IRAK2: variants seen among roughly 807,000 people sequenced by gnomAD.
The protein encoded by IRAK2 is interleukin 1 receptor associated kinase 2, also known as interleukin-1 receptor-associated kinase-like 2.
In IRAK2, 57 loss-of-function variants were observed where a neutral mutation model predicts 72.0. The ratio of observed to expected loss-of-function variants is 0.79; its 90% CI spans 0.64 to 0.99. The LOEUF is 0.99. IRAK2 is among the 50% of genes least tolerant of loss of function. The probability of loss-of-function intolerance (pLI) is 0.00; values close to 1 mark genes in which losing one functional copy is unlikely to be tolerated. For missense variants in IRAK2, 790 were observed against 794.4 expected (o/e 0.99, Z 0.07); for synonymous variants, 293 against 312.7 (o/e 0.94, Z 0.67).
intron 6 of IRAK2, among the ~76,000 whole-genome samples, chr3:10,215,751 T>TAC (rs145978380): frequency 0.33 from 49,150 of 150,014 alleles, 8,156 homozygotes; most frequent in Admixed American, 0.43. Flanking sequence ...CTCACATGTG[T>TAC]ACACACACAC....
chr3:10,213,910 C>CT (rs945956712), intron 6 of IRAK2, among the ~76,000 whole-genome samples: 45 of 146,628 alleles, frequency 3.1e-4, no homozygotes, highest in Middle Eastern at 3.5e-3. Flanking sequence ...ATCTTCTCTC[C>CT]TTTTTTTTTT....
intron 7 of IRAK2, 72 bp from the exon 8 acceptor site, chr3:10,219,608 G>A (rs376213907): frequency 1.8e-5 from 20 of 1,120,032 alleles, no homozygotes; most frequent in East Asian, 1.8e-4. Flanking sequence ...GTGAGCCACC[G>A]CACCTGGCTG....
At chr3:10,191,311 A>T (rs1297665550) in intron 2 of IRAK2, among the ~76,000 whole-genome samples, 2 of 149,050 alleles carry the variant, frequency 1.3e-5, no homozygotes, top group East Asian at 3.9e-4. Flanking sequence ...AAAAAAATCC[A>T]CTGGCTAGAA....
chr3:10,229,629 G>T (rs1205634574), intron 10 of IRAK2, among the ~76,000 whole-genome samples: 2 of 152,118 alleles, frequency 1.3e-5, no homozygotes, highest in Non-Finnish European at 2.9e-5. Context: ...ATGTAGCATG[G>T]TGCTTAGATT....
intron 1 of IRAK2, among the ~76,000 whole-genome samples, chr3:10,175,337 G>A (rs1447271773): frequency 6.6e-6 from 1 of 151,980 alleles, no homozygotes; most frequent in Admixed American, 6.6e-5. Flanking sequence ...ATGTTGGCCA[G>A]GCTAGTATCG....
chr3:10,181,855 C>T (rs1185167968), intron 2 of IRAK2, among the ~76,000 whole-genome samples: 1 of 152,172 alleles, frequency 6.6e-6, no homozygotes, highest in Non-Finnish European at 1.5e-5. Flanking sequence ...ATCCTCTTCA[C>T]TTTTCCTTTG....
chr3:10,238,606 G>C, intron 11 of IRAK2, 142 bp from the exon 12 acceptor site: 1 of 768,426 alleles, frequency 1.3e-6, no homozygotes, highest in Non-Finnish European at 2.1e-6. Context: ...TTCAAAGGAA[G>C]GGTGTGGTTT....
rs1575955054 is a variant in IRAK2 at position 10,178,128 on chromosome 3, A to G, written c.277+108A>G. ...TTAATACTTTTTTCCTCTTTTAATT[A>G]AAAAATTTAATGAGTGAGTTTACCA... On this transcript the variant is annotated intron_variant, in intron 2 of 12. Transcript: ENST00000256458. The G allele has an allele frequency of 9.8e-6, 9 of 922,606 alleles. No homozygotes were observed. The East Asian group carries it at 2.4e-4, about 25-fold the overall frequency. The allele number at this position is 922,606 out of a possible 1,614,324, so 57.2% of individuals were successfully genotyped here.
chr3:10,242,041 T>C, intron 12 of IRAK2, 75 bp from the exon 13 acceptor site: 1 of 854,430 alleles, frequency 1.2e-6, no homozygotes, highest in Admixed American at 2.2e-5. Context: ...GAAACCTGAT[T>C]TAAGTGACTT....
At chr3:10,228,362 T>TC (rs1697811419) in intron 10 of IRAK2, among the ~76,000 whole-genome samples, 1 of 152,126 alleles carries the variant, frequency 6.6e-6, no homozygotes. Context: ...ACTCTGTGAG[T>TC]TCCACCCCTT....
At position 10,177,864 on chromosome 3, in the gene IRAK2, C is replaced by T; in HGVS notation, c.121C>T (p.Gln41Ter). ...FASYVITDLT[Q>*]LRKIKSMERV... Reference sequence around the variant, plus strand: ...CTCCTACGTGATCACAGACCTGACCCAGCTGCGGAAGATCAAGTCCATGGA... The same window carrying T: ...CTCCTACGTGATCACAGACCTGACCTAGCTGCGGAAGATCAAGTCCATGGA... Residue 41 changes from glutamine (Q) to a stop codon, truncating the protein, a stop_gained, in exon 2 of 13, where the codon CAG (glutamine) becomes TAG (stop). Coordinates refer to ENST00000256458, the MANE Select transcript of IRAK2 (RefSeq NM_001570.4). LOFTEE classifies it high-confidence loss of function. 3 of 1,613,508 alleles carry T rather than the reference C, an allele frequency of 1.9e-6. No individual in the cohort carries two copies. Among genetic ancestry groups the T allele is most frequent in the Non-Finnish European group, 2.5e-6 (3 of 1,180,040 alleles).
chr3:10,205,320 G>A (rs191883578), intron 3 of IRAK2, among the ~76,000 whole-genome samples: 1 of 152,208 alleles, frequency 6.6e-6, no homozygotes, highest in Non-Finnish European at 1.5e-5. Flanking sequence ...GGTAGGGAGA[G>A]ATGGAGAGTA....
intron 2 of IRAK2, among the ~76,000 whole-genome samples, chr3:10,196,617 A>G (rs774249670): frequency 8.5e-5 from 13 of 152,214 alleles, no homozygotes; most frequent in Non-Finnish European, 1.8e-4. Context: ...GTGCCCGTGG[A>G]GCCCAGGTTG....
At chr3:10,198,794 C>G (rs1203619795) in intron 2 of IRAK2, among the ~76,000 whole-genome samples, 2 of 151,978 alleles carry the variant, frequency 1.3e-5, no homozygotes, top group East Asian at 3.9e-4. Flanking sequence ...TTGTCCCAGC[C>G]CTACCTGGGA....
At chr3:10,224,885 C>T (rs1343687821) in intron 9 of IRAK2, among the ~76,000 whole-genome samples, 1 of 149,854 alleles carries the variant, frequency 6.7e-6, no homozygotes, top group Non-Finnish European at 1.5e-5. Flanking sequence ...ACTTTGATTC[C>T]TCCTGTGGGG....
chr3:10,219,908 A>G, intron 8 of IRAK2, 119 bp downstream of exon 8: 4 of 690,316 alleles, frequency 5.8e-6, no homozygotes, highest in Non-Finnish European at 1.0e-5. Context: ...TTCTCTTCCT[A>G]CCTCCTCTCC....
At chr3:10,197,823 G>T (rs1284011800) in intron 2 of IRAK2, among the ~76,000 whole-genome samples, 1 of 150,488 alleles carries the variant, frequency 6.6e-6, no homozygotes. Context: ...CTGCACTCTA[G>T]CCTGGGCGAC....
chr3:10,190,695 A>C (rs182222721), intron 2 of IRAK2, among the ~76,000 whole-genome samples: 2 of 152,312 alleles, frequency 1.3e-5, no homozygotes, highest in African/African-American at 4.8e-5. Context: ...TAGCTCTTAC[A>C]ACTAGTCTCC....
Position 10,177,985 on chromosome 3 carries a change from T to TCCA in IRAK2, c.242_243insCCA (p.Leu81_Glu82insGln). 1.9e-6 allele frequency: 3 copies of TCCA among 1,613,098 alleles called. No homozygotes were observed. The highest frequency in any genetic ancestry group is 2.5e-6 in the Non-Finnish European group (3 of 1,179,732). ...CAACTTGTGGACCTCCTGTGCCGCCTGGAGCTCTACCGGGCTGCCCAGATC... is the reference window on the plus strand; with the variant it reads ...CAACTTGTGGACCTCCTGTGCCGCCTCCAGGAGCTCTACCGGGCTGCCCAGATC... On this transcript the variant is annotated inframe_insertion, in exon 2 of 13. Coordinates refer to ENST00000256458, the MANE Select transcript of IRAK2 (RefSeq NM_001570.4).
Sources: gnomAD v4.1 joint callset for allele counts (sites outside exome capture counted in the v4.1 genomes callset) on GRCh38, gnomAD v4.1.1 for gene constraint, MANE v1.5 for transcripts, NCBI Gene and HGNC (gene_info 2026-07-23, HGNC 2026-07-21) for gene names.